PRIM2: variants seen among roughly 807,000 people sequenced by gnomAD.
PRIM2 encodes the protein DNA primase large subunit.
In PRIM2, 39 loss-of-function variants were observed where a neutral mutation model predicts 67.3. That is an observed-to-expected ratio of 0.58 (90% CI 0.45 to 0.76). PRIM2 has a LOEUF of 0.76. Among genes scored for constraint, PRIM2 ranks in the 30% least tolerant of loss-of-function variants. The pLI is 0.00. For synonymous variants in PRIM2, 143 were observed against 198.7 expected (o/e 0.72, Z 2.36); for missense variants, 398 against 598.7 (o/e 0.66, Z 3.50).
At chr6:57,535,344 T>A (rs1214236546) in intron 9 of PRIM2, among the ~76,000 whole-genome samples, 1 of 152,300 alleles carries the variant, frequency 6.6e-6, no homozygotes, top group South Asian at 2.1e-4. Context: ...GTAGTAATAA[T>A]ATACTGGGCT....
At chr6:57,418,862 C>G (rs1471216651) in intron 7 of PRIM2, among the ~76,000 whole-genome samples, 3 of 152,068 alleles carry the variant, frequency 2.0e-5, no homozygotes, top group African/African-American at 7.2e-5. Flanking sequence ...ACCTGATTAT[C>G]TTTTGTATTG....
chr6:57,457,614 C>T (rs941670459), intron 7 of PRIM2, among the ~76,000 whole-genome samples: 1 of 152,128 alleles, frequency 6.6e-6, no homozygotes, highest in African/African-American at 2.4e-5. Context: ...TCTTGGTGTG[C>T]CATTTGCTAT....
intron 8 of PRIM2, among the ~76,000 whole-genome samples, chr6:57,517,939 A>G (rs1427093005): frequency 2.0e-5 from 3 of 152,180 alleles, no homozygotes; most frequent in African/African-American, 4.8e-5. Flanking sequence ...CAAGGGGTCT[A>G]TGGCATAGTC....
At chr6:57,469,383 T>C (rs1463410159) in intron 7 of PRIM2, among the ~76,000 whole-genome samples, 10 of 152,266 alleles carry the variant, frequency 6.6e-5, no homozygotes, top group Admixed American at 5.9e-4. Context: ...GTGAATCACG[T>C]TTATGGTTTT....
At chr6:57,521,393 T>TTTA (rs1554348911) in intron 8 of PRIM2, among the ~76,000 whole-genome samples, 2 of 132,788 alleles carry the variant, frequency 1.5e-5, no homozygotes, top group South Asian at 2.3e-4. Flanking sequence ...TTTTTTTTTT[T>TTTA]AACACCCTAA....
chr6:57,276,290 G>A, the PRIM2 span, among the ~76,000 whole-genome samples: 7 of 151,866 alleles, frequency 4.6e-5, no homozygotes, highest in South Asian at 2.1e-4. Context: ...CTTGGGAGGC[G>A]GAGGCATGAG....
intron 8 of PRIM2, among the ~76,000 whole-genome samples, chr6:57,508,837 C>T (rs1387821345): frequency 6.6e-6 from 1 of 152,098 alleles, no homozygotes; most frequent in Non-Finnish European, 1.5e-5. Context: ...ATCTTATTTG[C>T]TTTTACATAC....
chr6:57,510,286 TTTG>T (rs1272166500), intron 8 of PRIM2, among the ~76,000 whole-genome samples: 5 of 152,256 alleles, frequency 3.3e-5, no homozygotes, highest in Admixed American at 1.3e-4. Context: ...TTAGTGAAAT[TTTG>T]TTGTTTTTTT....
chr6:57,329,464 G>T (rs1032104868), intron 5 of PRIM2, among the ~76,000 whole-genome samples: 5 of 152,036 alleles, frequency 3.3e-5, no homozygotes, highest in African/African-American at 1.2e-4. Context: ...TGGTTTGATT[G>T]TGTCCCCACC....
chr6:57,582,951 C>T (rs1776124015), intron 10 of PRIM2, among the ~76,000 whole-genome samples: 3 of 95,100 alleles, frequency 3.2e-5, no homozygotes, highest in Non-Finnish European at 4.0e-5. Flanking sequence ...CCCCACCCCA[C>T]AACAGTCCCC....
chr6:57,308,354 C>G, the PRIM2 span, among the ~76,000 whole-genome samples: 3 of 152,122 alleles, frequency 2.0e-5, no homozygotes, highest in African/African-American at 4.8e-5. Context: ...AACTCCTGGG[C>G]TCCAGTGTTC....
At chr6:57,602,065 T>TG (rs1426850637) in intron 11 of PRIM2, among the ~76,000 whole-genome samples, 2 of 151,586 alleles carry the variant, frequency 1.3e-5, no homozygotes, top group African/African-American at 2.4e-5. Context: ...CATAGATTTT[T>TG]TTTTTTTTTT....
intron 7 of PRIM2, among the ~76,000 whole-genome samples, chr6:57,456,016 A>G (rs1483348868): frequency 3.9e-5 from 6 of 152,024 alleles, no homozygotes; most frequent in Admixed American, 3.9e-4. Flanking sequence ...GCTTGTCTGT[A>G]AAGGATTTTA....
intron 12 of PRIM2, among the ~76,000 whole-genome samples, chr6:57,616,980 G>T (rs1292630235): frequency 6.6e-6 from 1 of 152,158 alleles, no homozygotes; most frequent in Non-Finnish European, 1.5e-5. Context: ...TTGTATGTCT[G>T]TACCACATTT....
intron 7 of PRIM2, among the ~76,000 whole-genome samples, chr6:57,480,803 A>G (rs1353464678): frequency 2.0e-5 from 3 of 151,978 alleles, no homozygotes; most frequent in Admixed American, 6.6e-5. Flanking sequence ...TAGTTTTTGT[A>G]TTTTTAGTAT....
the PRIM2 span, among the ~76,000 whole-genome samples, chr6:57,234,866 T>C: frequency 6.6e-6 from 1 of 152,208 alleles, no homozygotes; most frequent in Non-Finnish European, 1.5e-5. Flanking sequence ...GAAGTTTATC[T>C]GTAACAAATC....
At chr6:57,643,042 A>G (rs1185234887) in intron 13 of PRIM2, among the ~76,000 whole-genome samples, 1 of 151,974 alleles carries the variant, frequency 6.6e-6, no homozygotes, top group Admixed American at 6.5e-5. Flanking sequence ...AATTTTTTTT[A>G]ACATTCATTT....
At chr6:57,257,327 A>G in the PRIM2 span, among the ~76,000 whole-genome samples, 1 of 149,152 alleles carries the variant, frequency 6.7e-6, no homozygotes, top group Non-Finnish European at 1.5e-5. Flanking sequence ...GCTGGAGTGC[A>G]ATGGCGCAAT....
intron 5 of PRIM2, among the ~76,000 whole-genome samples, chr6:57,373,426 T>G (rs1769636024): frequency 6.6e-6 from 1 of 152,200 alleles, no homozygotes; most frequent in Admixed American, 6.5e-5. Flanking sequence ...TGTTGATAGA[T>G]TCTTTTGCTG....
Sources: gnomAD v4.1 joint callset for allele counts (sites outside exome capture counted in the v4.1 genomes callset) on GRCh38, gnomAD v4.1.1 for gene constraint, MANE v1.5 for transcripts, NCBI Gene and HGNC (gene_info 2026-07-23, HGNC 2026-07-21) for gene names.